The following CMIP variants were observed in gnomAD, a reference collection of about 807,000 sequenced individuals.
CMIP encodes C-Maf-inducing protein.
CMIP carries 13 observed loss-of-function variants against 97.3 expected under a neutral mutation model. That is an observed-to-expected ratio of 0.13 (90% CI 0.09 to 0.21). The LOEUF (loss-of-function observed/expected upper bound fraction) is 0.21, where lower values mean the gene tolerates loss of function less well. Ranked by LOEUF, CMIP falls within the 10% of genes least tolerant of loss-of-function variation. The probability of loss-of-function intolerance (pLI) is 1.00; values close to 1 mark genes in which losing one functional copy is unlikely to be tolerated. For synonymous variants in CMIP, 538 were observed against 436.3 expected (o/e 1.23, Z -2.91); for missense variants, 847 against 1,024.9 (o/e 0.83, Z 2.37).
At chr16:81,534,980 T>C (rs2090313693) in intron 1 of CMIP, among the ~76,000 whole-genome samples, 1 of 152,208 alleles carries the variant, frequency 6.6e-6, no homozygotes. Flanking sequence ...AGACGGAGTC[T>C]TGCTCTGTCT....
chr16:81,624,598 C>T (rs767886823), intron 3 of CMIP, among the ~76,000 whole-genome samples: 1 of 152,194 alleles, frequency 6.6e-6, no homozygotes, highest in Non-Finnish European at 1.5e-5. Context: ...CAGCATCACC[C>T]CTAATGGGAC....
At chr16:81,590,825 ATCCATCCATC>A (rs2091455522) in intron 1 of CMIP, among the ~76,000 whole-genome samples, 1 of 68,192 alleles carries the variant, frequency 1.5e-5, no homozygotes, top group African/African-American at 1.8e-4. Flanking sequence ...ACTTTCTCTC[ATCCATCCATC>A]CATCCATCCA....
Position 81,562,689 on chromosome 16 carries a change from G to A in CMIP, c.301-44878G>A, listed in dbSNP as rs556496971. Reference sequence around the variant, plus strand: ...GACCTTCTCCATCCCATGCTGGGTGGTTCACTCATCTGTCCAGTGCCAGAT... The same window carrying A: ...GACCTTCTCCATCCCATGCTGGGTGATTCACTCATCTGTCCAGTGCCAGAT... On this transcript the variant is annotated intron_variant, in intron 1 of 20. Transcript: ENST00000537098. Among the ~76,000 whole-genome samples the A allele has an allele frequency of 2.0e-5, 3 of 152,370 alleles. No homozygotes were observed. In the South Asian group the frequency reaches 6.2e-4, roughly 32 times the overall value.
At chr16:81,565,260 C>T (rs2090958837) in intron 1 of CMIP, among the ~76,000 whole-genome samples, 1 of 152,166 alleles carries the variant, frequency 6.6e-6, no homozygotes, top group Admixed American at 6.5e-5. Context: ...GCCCACCTTC[C>T]AAAGGAAGAT....
chr16:81,628,501 C>G (rs12599630), intron 3 of CMIP, among the ~76,000 whole-genome samples: 82,726 of 152,032 alleles, frequency 0.54, 23,658 homozygotes, highest in East Asian at 0.75. Context: ...CCTGTTCCTC[C>G]TCTTCTCCCT....
Position 81,616,333 on chromosome 16 carries a change from GGGT to G in CMIP, c.427-4542_427-4540del. ...GCTTCAGGAGAGCGGAGGAGGGATG[GGGT>G]CCTGGCCGAGGTGTGGGGAGGGCAG... On this transcript the variant is annotated intron_variant, in intron 2 of 20. Transcript: ENST00000537098. This position sits in a 1 kb window ranked among gnomAD's most constrained non-coding sequence, Gnocchi z 4.7. 6.6e-6 allele frequency among the ~76,000 whole-genome samples: 1 copy of G among 152,248 alleles called. No homozygotes were observed. Among genetic ancestry groups the G allele is most frequent in the South Asian group, 2.1e-4 (1 of 4,818 alleles).
At chr16:81,447,908 C>A (rs536771778) in intron 1 of CMIP, among the ~76,000 whole-genome samples, 1 of 152,272 alleles carries the variant, frequency 6.6e-6, no homozygotes, top group South Asian at 2.1e-4. Flanking sequence ...TCATGAGACA[C>A]CTGGTTGGTG....
At chr16:81,511,971 C>G (rs1221419426) in intron 1 of CMIP, among the ~76,000 whole-genome samples, 1 of 152,086 alleles carries the variant, frequency 6.6e-6, no homozygotes, top group Non-Finnish European at 1.5e-5. Context: ...GTGTAAAACG[C>G]ACACTGGATT....
At chr16:81,618,956 G>A (rs1383910785) in intron 2 of CMIP, 2 of 152,248 alleles carry the variant, frequency 1.3e-5, no homozygotes, top group African/African-American at 2.4e-5. Context: ...GACCAGTAGA[G>A]CTTGGGCAGT....
chr16:81,475,970 G>A (rs917463376), intron 1 of CMIP: 1 of 469,418 alleles, frequency 2.1e-6, no homozygotes, highest in Non-Finnish European at 3.9e-6. Flanking sequence ...GTGGGTGACA[G>A]AGTGAGACTC....
At chr16:81,511,636 C>T (rs56351730) in intron 1 of CMIP, among the ~76,000 whole-genome samples, 1 of 152,240 alleles carries the variant, frequency 6.6e-6, no homozygotes, top group Admixed American at 6.5e-5. Flanking sequence ...TCGTGGCTCA[C>T]TGCAGCTTCA....
In CMIP at chr16:81,557,435, T is replaced by C. The variant is rs568444275; in HGVS notation, c.301-50132T>C. Among the ~76,000 whole-genome samples the C allele has an allele frequency of 3.9e-5, 6 of 152,374 alleles. No individual in the cohort carries two copies. The East Asian group carries it at 1.2e-3, about 29-fold the overall frequency. ...GTTGGCAGCCTCTTCGTTCTTTTTTTCTAATTGACAAACAATAGTTGTATG... is the reference window on the plus strand; with the variant it reads ...GTTGGCAGCCTCTTCGTTCTTTTTTCCTAATTGACAAACAATAGTTGTATG... On this transcript the variant is annotated intron_variant, in intron 1 of 20. Coordinates refer to ENST00000537098, the MANE Select transcript of CMIP (RefSeq NM_198390.3).
At chr16:81,649,101 C>T (rs2092398278) in intron 3 of CMIP, among the ~76,000 whole-genome samples, 1 of 152,230 alleles carries the variant, frequency 6.6e-6, no homozygotes, top group South Asian at 2.1e-4. Flanking sequence ...TGACAAGCCC[C>T]CAACTCATGG....
At chr16:81,680,219 C>A (rs754243968) in intron 10 of CMIP, among the ~76,000 whole-genome samples, 1 of 152,218 alleles carries the variant, frequency 6.6e-6, no homozygotes, top group African/African-American at 2.4e-5. Context: ...TTTCCCTGAG[C>A]CCCTGTGTCG....
intron 6 of CMIP, among the ~76,000 whole-genome samples, 165 bp from the exon 7 acceptor site, chr16:81,664,104 C>T (rs1222295867): frequency 1.3e-5 from 2 of 152,146 alleles, no homozygotes; most frequent in East Asian, 1.9e-4. Flanking sequence ...CTAGAACTGG[C>T]CCCCCTCCAA....
At chr16:81,688,101 C>T (rs536454812) in intron 10 of CMIP, among the ~76,000 whole-genome samples, 1 of 151,822 alleles carries the variant, frequency 6.6e-6, no homozygotes, top group East Asian at 1.9e-4. Flanking sequence ...TTCCCAGGGT[C>T]GGATGGGGGT....
chr16:81,490,100 C>T (rs1442385447), intron 1 of CMIP, among the ~76,000 whole-genome samples: 4 of 152,084 alleles, frequency 2.6e-5, no homozygotes, highest in African/African-American at 9.7e-5. Context: ...CTGTAGTGTC[C>T]CAAGGAGCCT....
At chr16:81,516,951 T>C (rs1313057105) in intron 1 of CMIP, among the ~76,000 whole-genome samples, 32 of 131,106 alleles carry the variant, frequency 2.4e-4, no homozygotes, top group South Asian at 2.6e-4. Flanking sequence ...AAAAACCAGA[T>C]GGCCTCCAAG....
intron 1 of CMIP, among the ~76,000 whole-genome samples, chr16:81,445,810 C>T (rs990192763): frequency 6.6e-6 from 1 of 152,038 alleles, no homozygotes; most frequent in Non-Finnish European, 1.5e-5. Context: ...GCCTGGGGAC[C>T]TTCTGCCCCC....
Sources: allele counts gnomAD v4.1 joint callset (sites outside exome capture counted in the v4.1 genomes callset), GRCh38; gene constraint gnomAD v4.1.1; non-coding constraint Gnocchi (gnomAD v3.1); transcripts MANE v1.5; gene names NCBI Gene and HGNC (gene_info 2026-07-23, HGNC 2026-07-21).